The following SLC22A3 variants were observed in gnomAD, a reference collection of about 807,000 sequenced individuals.
SLC22A3 encodes the protein EMT organic cation transporter 3.
A neutral mutation model predicts 59.1 loss-of-function variants in SLC22A3; 51 were observed. The observed-to-expected ratio is 0.86, with a 90% CI of 0.69 to 1.09. The LOEUF (loss-of-function observed/expected upper bound fraction) is 1.09, where lower values mean the gene tolerates loss of function less well. SLC22A3 is among the 50% of genes least tolerant of loss of function. The pLI is 0.00. For synonymous variants in SLC22A3, 325 were observed against 292.0 expected (o/e 1.11, Z -1.15); for missense variants, 711 against 726.3 (o/e 0.98, Z 0.24).
intron 1 of SLC22A3, among the ~76,000 whole-genome samples, chr6:160,389,977 T>A (rs1242527227): frequency 6.6e-6 from 1 of 152,222 alleles, no homozygotes; most frequent in Non-Finnish European, 1.5e-5. Flanking sequence ...TTGCATTAAA[T>A]CAATGCAGTG....
At chr6:160,378,328 G>A (rs774687947) in intron 1 of SLC22A3, among the ~76,000 whole-genome samples, 3 of 152,160 alleles carry the variant, frequency 2.0e-5, no homozygotes. Context: ...ATTTTCATAT[G>A]GCACTGGTGC....
chr6:160,357,893 G>A (rs960734734), intron 1 of SLC22A3, among the ~76,000 whole-genome samples: 1 of 152,156 alleles, frequency 6.6e-6, no homozygotes, highest in Non-Finnish European at 1.5e-5. Flanking sequence ...GCAGTTAGTG[G>A]GAAATTATGT....
chr6:160,382,926 A>G (rs988349856), intron 1 of SLC22A3, among the ~76,000 whole-genome samples: 1 of 152,278 alleles, frequency 6.6e-6, no homozygotes, highest in African/African-American at 2.4e-5. Context: ...AACAGTCTCA[A>G]TAGCATATTG....
chr6:160,452,187 A>G lies in SLC22A3; in HGVS notation c.*1131A>G, dbSNP rs1285175308. The G allele has an allele frequency of 3.3e-5, 5 of 152,306 alleles. No homozygotes were observed. The highest frequency in any genetic ancestry group is 6.8e-3 in the Middle Eastern group (2 of 294). 9.4% of individuals were successfully genotyped at this position (152,306 alleles called of 1,614,324 possible). On this transcript the variant is annotated 3_prime_UTR_variant, in exon 11 of 11. Transcript: ENST00000275300. The stretch of plus-strand genomic sequence containing the variant: ...TTCTGCTTTATATGTTATATTCAAT[A>G]TCTTTTCAGATGCAGTCTATATTTT...
intron 1 of SLC22A3, among the ~76,000 whole-genome samples, chr6:160,362,149 A>T (rs760322691): frequency 6.6e-6 from 1 of 152,204 alleles, no homozygotes; most frequent in Non-Finnish European, 1.5e-5. Context: ...TTCAGGGGTC[A>T]CCCAGGGATG....
chr6:160,355,591 C>A (rs1376792831), intron 1 of SLC22A3, among the ~76,000 whole-genome samples: 1 of 137,048 alleles, frequency 7.3e-6, no homozygotes, highest in Non-Finnish European at 1.6e-5. Flanking sequence ...GAAACCCCGT[C>A]TCTACTAAAA....
At chr6:160,365,833 C>T (rs958248450) in intron 1 of SLC22A3, among the ~76,000 whole-genome samples, 14 of 152,058 alleles carry the variant, frequency 9.2e-5, no homozygotes, top group African/African-American at 2.2e-4. Flanking sequence ...AGGAAGCTTA[C>T]GATCACGGTG....
intron 1 of SLC22A3, among the ~76,000 whole-genome samples, chr6:160,381,026 G>A (rs1358877743): frequency 6.6e-6 from 1 of 152,156 alleles, no homozygotes; most frequent in Non-Finnish European, 1.5e-5. Context: ...AAGGTGACAG[G>A]ATTTGAAAAA....
intron 1 of SLC22A3, among the ~76,000 whole-genome samples, chr6:160,395,465 C>A (rs1786434286): frequency 6.6e-6 from 1 of 152,154 alleles, no homozygotes; most frequent in Non-Finnish European, 1.5e-5. Context: ...TGATACTTTT[C>A]CAAAGCAAAT....
At chr6:160,422,749 T>A (rs1225343217) in intron 5 of SLC22A3, among the ~76,000 whole-genome samples, 1 of 149,794 alleles carries the variant, frequency 6.7e-6, no homozygotes, top group East Asian at 2.0e-4. Context: ...AGGATTTAGA[T>A]GATGTTAGGG....
intron 1 of SLC22A3, among the ~76,000 whole-genome samples, chr6:160,372,640 C>T (rs944501263): frequency 2.6e-5 from 4 of 152,076 alleles, no homozygotes; most frequent in Non-Finnish European, 4.4e-5. Flanking sequence ...ACCAATCAAA[C>T]GTAGGTTTGG....
chr6:160,426,493 G>A (rs1351815810), intron 5 of SLC22A3: 1 of 329,790 alleles, frequency 3.0e-6, no homozygotes, highest in African/African-American at 2.2e-5. Flanking sequence ...CCACTCTAAT[G>A]TGTCTGATTT....
chr6:160,435,945 C>T (rs1230679842), intron 5 of SLC22A3, among the ~76,000 whole-genome samples: 6 of 152,112 alleles, frequency 3.9e-5, no homozygotes, highest in Admixed American at 3.9e-4. Flanking sequence ...CAGGGGAGTG[C>T]TGTTGTACAG....
chr6:160,356,471 C>T (rs1784844639), intron 1 of SLC22A3, among the ~76,000 whole-genome samples: 1 of 152,194 alleles, frequency 6.6e-6, no homozygotes, highest in Non-Finnish European at 1.5e-5. Context: ...AGACTTTTCC[C>T]AGCTGTCCTG....
intron 5 of SLC22A3, among the ~76,000 whole-genome samples, chr6:160,431,696 GTGGAT>G (rs1562498755): frequency 6.6e-6 from 1 of 152,196 alleles, no homozygotes; most frequent in Admixed American, 6.5e-5. Context: ...TTTTTATGGA[GTGGAT>G]TGGAGTATAG....
intron 9 of SLC22A3, among the ~76,000 whole-genome samples, chr6:160,446,487 T>C (rs1207794384): frequency 6.6e-6 from 1 of 152,156 alleles, no homozygotes; most frequent in Non-Finnish European, 1.5e-5. Context: ...ACGTCCTACA[T>C]GGTGGCAGGT....
At position 160,451,283 on chromosome 6, in the gene SLC22A3, C is replaced by T. The variant is rs891003902; in HGVS notation, c.*227C>T. ...AACACATAATATGTAGCCAGTTTAA[C>T]AAAGAAGCTGTCAGGTGCACAGCCC... On this transcript the variant is annotated 3_prime_UTR_variant, in exon 11 of 11. Transcript: ENST00000275300. The T allele has an allele frequency of 1.9e-5, 10 of 524,024 alleles. No individual in the cohort carries two copies. Among genetic ancestry groups the T allele is most frequent in the African/African-American group, 1.3e-4 (7 of 52,114 alleles). 32.5% of individuals were successfully genotyped at this position (524,024 alleles called of 1,614,324 possible). A position where few individuals can be genotyped will look rare whatever the true frequency, so the allele number is the denominator to read the frequency against.
chr6:160,370,938 C>T (rs1410833323), intron 1 of SLC22A3, among the ~76,000 whole-genome samples: 1 of 152,164 alleles, frequency 6.6e-6, no homozygotes, highest in Non-Finnish European at 1.5e-5. Flanking sequence ...ATCAGTTATT[C>T]AAGGCCTGGC....
chr6:160,431,164 C>T (rs930013538), intron 5 of SLC22A3, among the ~76,000 whole-genome samples: 1 of 152,142 alleles, frequency 6.6e-6, no homozygotes, highest in African/African-American at 2.4e-5. Context: ...CAATTTTAAA[C>T]CTGGTATAGC....
Sources: allele counts gnomAD v4.1 joint callset (sites outside exome capture counted in the v4.1 genomes callset), GRCh38; gene constraint gnomAD v4.1.1; transcripts MANE v1.5; gene names NCBI Gene and HGNC (gene_info 2026-07-23, HGNC 2026-07-21).